The following GABRG3 variants were observed in gnomAD, a reference collection of about 807,000 sequenced individuals.
The protein encoded by GABRG3 is gamma-aminobutyric acid type A receptor subunit gamma3.
Under a neutral mutation model 48.8 loss-of-function variants are expected in GABRG3, and 25 were observed. The ratio of observed to expected loss-of-function variants is 0.51; its 90% CI spans 0.37 to 0.72. The LOEUF (loss-of-function observed/expected upper bound fraction) is 0.72. GABRG3 is among the 30% of genes least tolerant of loss of function. The pLI is 0.00. For synonymous variants in GABRG3, 227 were observed against 217.6 expected, an observed-to-expected ratio of 1.04 and a Z score of -0.38; for missense variants, 394 against 577.9, an observed-to-expected ratio of 0.68 and a Z score of 3.26.
At chr15:27,148,370 C>G (rs181210972) in intron 3 of GABRG3, among the ~76,000 whole-genome samples, 1 of 151,910 alleles carries the variant, frequency 6.6e-6, no homozygotes, top group Non-Finnish European at 1.5e-5. Flanking sequence ...GCCTTACCAT[C>G]GAGTAAAGTG....
chr15:27,307,906 A>G (rs926723682), intron 3 of GABRG3, among the ~76,000 whole-genome samples: 1 of 132,314 alleles, frequency 7.6e-6, no homozygotes, highest in South Asian at 2.3e-4. Context: ...ATATAAAATA[A>G]ACATGTTTAT....
rs754441311 is a variant in GABRG3, at chr15:27,538,303, C to CTTG, written c.*5423_*5424insTGT. On this transcript the variant is annotated 3_prime_UTR_variant, in exon 10 of 10. Transcript: ENST00000615808. The stretch of plus-strand genomic sequence containing the variant: ...GAAAAACTAGTTGAACAATCAGTCA[C>CTTG]TGACAAGTTTTCAATGTTTTGAGTT... The CTTG allele has an allele frequency of 5.9e-5, 9 of 152,280 alleles. No individual in the cohort carries two copies. The East Asian group carries it at 9.7e-4, about 16-fold the overall frequency. The allele number at this position is 152,280 out of a possible 1,614,324, so 9.4% of individuals were successfully genotyped here.
chr15:27,531,396 G>T (rs1891420931), intron 9 of GABRG3, among the ~76,000 whole-genome samples: 1 of 152,230 alleles, frequency 6.6e-6, no homozygotes, highest in South Asian at 2.1e-4. Context: ...AGGAGGGAAA[G>T]CAGTGCCATG....
chr15:27,327,685 C>T (rs1893662436), intron 4 of GABRG3, among the ~76,000 whole-genome samples: 1 of 152,162 alleles, frequency 6.6e-6, no homozygotes. Context: ...CAGCAGTGTC[C>T]TCTGAGCGGG....
intron 3 of GABRG3, among the ~76,000 whole-genome samples, chr15:27,050,186 C>T (rs1416317663): frequency 6.6e-6 from 1 of 152,190 alleles, no homozygotes; most frequent in Non-Finnish European, 1.5e-5. Context: ...ATAGTCTCCA[C>T]ATGTTCTTTG....
chr15:27,133,114 G>GT (rs1024644192), intron 3 of GABRG3, among the ~76,000 whole-genome samples: 1 of 151,760 alleles, frequency 6.6e-6, no homozygotes, highest in Admixed American at 6.6e-5. Context: ...GATTTTTTAA[G>GT]TTTTTTTCTG....
chr15:27,329,781 A>G (rs1462109076), intron 5 of GABRG3, among the ~76,000 whole-genome samples: 2 of 152,268 alleles, frequency 1.3e-5, no homozygotes, highest in Non-Finnish European at 2.9e-5. Context: ...AAGAGTACAT[A>G]TAAAAGGAAT....
chr15:27,299,287 AAAAAACAAAAAC>A (rs922266647), intron 3 of GABRG3, among the ~76,000 whole-genome samples: 2 of 152,094 alleles, frequency 1.3e-5, no homozygotes, highest in Non-Finnish European at 1.5e-5. Context: ...TCCATCTCAG[AAAAAACAAAAAC>A]AAAAACAAAC....
At chr15:27,525,978 A>G (rs1291346483) in intron 7 of GABRG3, among the ~76,000 whole-genome samples, 1 of 148,210 alleles carries the variant, frequency 6.7e-6, no homozygotes, top group African/African-American at 2.5e-5. Flanking sequence ...ATTTTTTTCT[A>G]AAGAGCTTTT....
At chr15:27,389,331 C>T (rs887297276) in intron 5 of GABRG3, among the ~76,000 whole-genome samples, 3 of 152,122 alleles carry the variant, frequency 2.0e-5, no homozygotes, top group African/African-American at 4.8e-5. Flanking sequence ...TTTATGATAG[C>T]GTAGATCAAT....
intron 6 of GABRG3, among the ~76,000 whole-genome samples, chr15:27,519,680 T>C (rs1891112452): frequency 6.6e-6 from 1 of 152,166 alleles, no homozygotes; most frequent in South Asian, 2.1e-4. Flanking sequence ...TGATAATAGC[T>C]CATCAACTCA....
intron 5 of GABRG3, among the ~76,000 whole-genome samples, chr15:27,405,142 T>C (rs1289674076): frequency 1.3e-5 from 2 of 152,212 alleles, no homozygotes; most frequent in Admixed American, 1.3e-4. Context: ...TGGTACATAA[T>C]TGTAGGACAT....
chr15:27,479,353 C>T (rs960480352), intron 5 of GABRG3, among the ~76,000 whole-genome samples: 1 of 152,214 alleles, frequency 6.6e-6, no homozygotes, highest in Non-Finnish European at 1.5e-5. Context: ...GTCCCTTGAG[C>T]TTAGCATTTT....
At chr15:27,497,426 T>A (rs1353998111) in intron 6 of GABRG3, among the ~76,000 whole-genome samples, 1 of 152,214 alleles carries the variant, frequency 6.6e-6, no homozygotes, top group African/African-American at 2.4e-5. Flanking sequence ...CACAGTGTCT[T>A]TCCCGCAATA....
At chr15:27,409,029 G>T (rs1887719197) in intron 5 of GABRG3, among the ~76,000 whole-genome samples, 1 of 151,910 alleles carries the variant, frequency 6.6e-6, no homozygotes, top group African/African-American at 2.4e-5. Context: ...CACCTTTCTG[G>T]TCCTTTTTTT....
chr15:27,047,991 A>C (rs1178093369), intron 3 of GABRG3, among the ~76,000 whole-genome samples: 1 of 152,222 alleles, frequency 6.6e-6, no homozygotes, highest in Non-Finnish European at 1.5e-5. Context: ...GTCCCAGAAA[A>C]TGCATTGAGA....
intron 3 of GABRG3, among the ~76,000 whole-genome samples, chr15:27,188,051 C>A (rs996074027): frequency 0.014 from 2,138 of 151,818 alleles, 36 homozygotes; most frequent in Admixed American, 0.051. Context: ...TACAAAGGAC[C>A]TGAACTCATC....
intron 2 of GABRG3, among the ~76,000 whole-genome samples, chr15:26,986,153 C>T (rs996052232): frequency 3.3e-5 from 5 of 152,132 alleles, no homozygotes; most frequent in Admixed American, 2.6e-4. Flanking sequence ...CACAGCCCAC[C>T]GTGCATACAA....
At chr15:27,062,586 C>T (rs186809670) in intron 3 of GABRG3, among the ~76,000 whole-genome samples, 14 of 151,850 alleles carry the variant, frequency 9.2e-5, no homozygotes, top group Admixed American at 8.5e-4. Flanking sequence ...GCAGCCTGGG[C>T]GACAGAGAGA....
Sources: gnomAD v4.1 joint callset for allele counts (sites outside exome capture counted in the v4.1 genomes callset) on GRCh38, gnomAD v4.1.1 for gene constraint, MANE v1.5 for transcripts, NCBI Gene and HGNC (gene_info 2026-07-23, HGNC 2026-07-21) for gene names.